The following SORCS2 variants were observed in gnomAD, a reference collection of about 807,000 sequenced individuals.
The protein encoded by SORCS2 is sortilin related VPS10 domain containing receptor 2.
A neutral mutation model predicts 141.6 loss-of-function variants in SORCS2; 100 were observed. That is an observed-to-expected ratio of 0.71 (90% CI 0.60 to 0.83). The LOEUF (loss-of-function observed/expected upper bound fraction) is 0.83. SORCS2 is among the 40% of genes least tolerant of loss of function. The pLI is 0.00. For missense variants in SORCS2, 1,646 were observed against 1,560.2 expected, an observed-to-expected ratio of 1.05 and a Z score of -0.93; for synonymous variants, 789 against 676.9, an observed-to-expected ratio of 1.17 and a Z score of -2.57.
At chr4:7,219,953 G>C (rs1338102636) in intron 1 of SORCS2, among the ~76,000 whole-genome samples, 1 of 152,246 alleles carries the variant, frequency 6.6e-6, no homozygotes, top group Non-Finnish European at 1.5e-5. Flanking sequence ...ATGTCGTTGT[G>C]AAAATAAAGG....
intron 19 of SORCS2, among the ~76,000 whole-genome samples, chr4:7,724,139 GTGA>G (rs551909706): frequency 1.8e-4 from 18 of 99,620 alleles, no homozygotes; most frequent in Non-Finnish European, 2.9e-4. Flanking sequence ...GGTGGTGGTG[GTGA>G]TGGTCGTGGT....
chr4:7,709,942 C>T (rs1725715859), intron 14 of SORCS2, among the ~76,000 whole-genome samples: 1 of 152,088 alleles, frequency 6.6e-6, no homozygotes, highest in Non-Finnish European at 1.5e-5. Context: ...ATTTTTTCCT[C>T]GTTACCTGCA....
chr4:7,203,819 C>T (rs893371798), intron 1 of SORCS2, among the ~76,000 whole-genome samples: 4 of 152,156 alleles, frequency 2.6e-5, no homozygotes, highest in Non-Finnish European at 4.4e-5. Flanking sequence ...ACACTAACCC[C>T]CATCACCCTC....
At chr4:7,392,437 A>T (rs960242181) in intron 1 of SORCS2, among the ~76,000 whole-genome samples, 31 of 152,152 alleles carry the variant, frequency 2.0e-4, no homozygotes, top group Non-Finnish European at 3.1e-4. Context: ...ATGGATGCTC[A>T]TTCATGTCCT....
At chr4:7,533,952 T>C (rs866432328) in intron 3 of SORCS2, among the ~76,000 whole-genome samples, 5 of 152,250 alleles carry the variant, frequency 3.3e-5, no homozygotes, top group Admixed American at 1.3e-4. Context: ...GGGTGCTCAA[T>C]AGAACTTCCT....
intron 3 of SORCS2, among the ~76,000 whole-genome samples, chr4:7,543,859 TCCAC>T (rs1560373612): frequency 1.4e-4 from 10 of 71,432 alleles, no homozygotes; most frequent in Non-Finnish European, 2.7e-4. Context: ...CGTCCATCCA[TCCAC>T]CCATCCATCC....
chr4:7,632,050 C>G (rs1329616012), intron 3 of SORCS2, among the ~76,000 whole-genome samples: 1 of 152,186 alleles, frequency 6.6e-6, no homozygotes, highest in Non-Finnish European at 1.5e-5. Flanking sequence ...CACAGGCTCC[C>G]TGGCCTCACT....
chr4:7,689,492 T>G lies in SORCS2; in HGVS notation c.1495T>G (p.Cys499Gly). Residue 499 changes from cysteine to glycine, a missense_variant, in exon 11 of 27, where the codon TGC becomes GGC. Transcript: ENST00000507866. ...GKPTNCKPPD[C>G]HLHLHLRWAD... ...TCCTTTCTCTTCCTTGCAGCCAGAC[T>G]GCCACCTGCACCTGCACCTGCGCTG... The G allele has an allele frequency of 1.3e-6, 2 of 1,597,044 alleles. No individual in the cohort carries two copies. The highest frequency in any genetic ancestry group is 1.7e-6 in the Non-Finnish European group (2 of 1,172,352).
rs533319147 is a variant in SORCS2, at chr4:7,588,318, C to A, written c.649-50010C>A. Among the ~76,000 whole-genome samples, 15 of 152,250 alleles carry A rather than the reference C, an allele frequency of 9.9e-5. No homozygotes were observed. In the East Asian group the frequency reaches 2.7e-3, roughly 27 times the overall value. Reference sequence around the variant, plus strand: ...TCTTGAGGCTGATGGAACTTTCATGCGGTTGTTGGTTTTGTTTCGGATGAG... The same window carrying A: ...TCTTGAGGCTGATGGAACTTTCATGAGGTTGTTGGTTTTGTTTCGGATGAG... On this transcript the variant is annotated intron_variant, in intron 3 of 26. Coordinates refer to ENST00000507866, the MANE Select transcript of SORCS2 (RefSeq NM_020777.3).
intron 4 of SORCS2, among the ~76,000 whole-genome samples, chr4:7,650,401 C>G (rs1040318372): frequency 2.0e-5 from 3 of 152,180 alleles, no homozygotes; most frequent in Admixed American, 1.3e-4. Context: ...CACTTTGCAG[C>G]GTGCCTGGAT....
Position 7,740,513 on chromosome 4 carries a change from T to C in SORCS2, c.*249T>C, listed in dbSNP as rs1279425682. 1.8e-6 allele frequency: 1 copy of C among 545,584 alleles called. No homozygotes were observed. Among genetic ancestry groups the C allele is most frequent in the Non-Finnish European group, 3.3e-6 (1 of 301,284 alleles). 33.8% of individuals were successfully genotyped at this position (545,584 alleles called of 1,614,324 possible). ...GGACACCAGGCCTGACTCAGGCAGG[T>C]TCTGCCCCCCAGACCCCACACACGG... is the stretch of plus-strand genomic sequence containing the variant. On this transcript the variant is annotated 3_prime_UTR_variant, in exon 27 of 27. Coordinates refer to ENST00000507866, the MANE Select transcript of SORCS2 (RefSeq NM_020777.3).
chr4:7,265,349 G>A (rs1354995856), intron 1 of SORCS2, among the ~76,000 whole-genome samples: 1 of 152,122 alleles, frequency 6.6e-6, no homozygotes, highest in Non-Finnish European at 1.5e-5. Context: ...AAATTAGCTG[G>A]GCATGCTGGT....
At chr4:7,644,439 G>A (rs1006669970) in intron 4 of SORCS2, among the ~76,000 whole-genome samples, 1 of 152,138 alleles carries the variant, frequency 6.6e-6, no homozygotes, top group Admixed American at 6.5e-5. Flanking sequence ...GGCCCAGTGG[G>A]GCAGGAAAAA....
Position 7,712,801 on chromosome 4 carries a change from C to T in SORCS2, c.1937C>T (p.Ser646Phe). ...AAGGTGGACTTCCGGCCCTCATTCT[C>T]CAGGCAGTGCGGCGAGGAGGACTAC... is the stretch of plus-strand genomic sequence containing the variant. The part of the protein sequence containing the change: ...LVKVDFRPSF[S>F]RQCGEEDYSS... Residue 646 changes from serine to phenylalanine, a missense_variant, in exon 15 of 27, where the codon TCC becomes TTC. By Grantham distance (155) the Ser-to-Phe change is radical. Transcript: ENST00000507866. The T allele has an allele frequency of 1.9e-6, 3 of 1,614,022 alleles. No individual in the cohort carries two copies. The highest frequency in any genetic ancestry group is 2.5e-6 in the Non-Finnish European group (3 of 1,179,890).
chr4:7,392,120 A>ACCTGGC (rs1299402039), intron 1 of SORCS2, among the ~76,000 whole-genome samples: 4 of 152,362 alleles, frequency 2.6e-5, no homozygotes, highest in Admixed American at 2.6e-4. Context: ...CAGGTTGCAG[A>ACCTGGC]CCTGGCCCTG....
chr4:7,426,288 G>A (rs1048689476), intron 2 of SORCS2, among the ~76,000 whole-genome samples: 1 of 106,210 alleles, frequency 9.4e-6, no homozygotes. Flanking sequence ...TCCCGGGGCT[G>A]GTGGCTTTGA....
chr4:7,251,823 C>T (rs1577322923), intron 1 of SORCS2, among the ~76,000 whole-genome samples: 1 of 152,168 alleles, frequency 6.6e-6, no homozygotes, highest in Non-Finnish European at 1.5e-5. Flanking sequence ...GCCACCTCTA[C>T]AGCTCCTTTG....
chr4:7,733,373 C>T lies in SORCS2; in HGVS notation c.3160C>T (p.Leu1054=), dbSNP rs1018821721. ...GAACGCACAGAAGATCAGCTTCCTCCTGCGAGGCGGAGTCCGGGTCCTGGT... is the reference window on the plus strand; with the variant it reads ...GAACGCACAGAAGATCAGCTTCCTCTTGCGAGGCGGAGTCCGGGTCCTGGT... The part of the protein sequence containing the change: ...VLNAQKISFL[L]RGGVRVLVAL... Residue 1054 remains leucine, a synonymous_variant, in exon 24 of 27, where the codon CTG becomes TTG. Transcript: ENST00000507866. 1.4e-5 allele frequency: 23 copies of T among 1,588,288 alleles called. No homozygotes were observed. Among genetic ancestry groups the T allele is most frequent in the South Asian group, 2.3e-5 (2 of 86,634 alleles).
chr4:7,443,321 A>C (rs4356913), intron 2 of SORCS2, among the ~76,000 whole-genome samples: 97,404 of 151,984 alleles, frequency 0.64, 31,382 homozygotes, highest in Middle Eastern at 0.74. Context: ...AGGGGAGGCC[A>C]CCTGTGGTGC....
Sources: allele counts gnomAD v4.1 joint callset (sites outside exome capture counted in the v4.1 genomes callset), GRCh38; gene constraint gnomAD v4.1.1; transcripts MANE v1.5; gene names NCBI Gene and HGNC (gene_info 2026-07-23, HGNC 2026-07-21).